Variants in SOS2 observed in about 807,000 individuals in gnomAD.
SOS2 encodes the protein son of sevenless homolog 2.
In SOS2, 65 loss-of-function variants were observed where a neutral mutation model predicts 148.2. The ratio of observed to expected loss-of-function variants is 0.44; its 90% CI spans 0.36 to 0.54. The LOEUF (loss-of-function observed/expected upper bound fraction) is 0.54. Among genes scored for constraint, SOS2 ranks in the 20% least tolerant of loss-of-function variants. The probability of loss-of-function intolerance (pLI) is 0.00; values close to 1 mark genes in which losing one functional copy is unlikely to be tolerated. For synonymous variants in SOS2, 539 were observed against 537.1 expected (o/e 1.00, Z -0.05); for missense variants, 1,341 against 1,590.2 (o/e 0.84, Z 2.67).
In SOS2 at chr14:50,230,890, T is replaced by C. The variant is rs577279038; in HGVS notation, c.87+307A>G. Reference sequence around the variant, plus strand: ...AACTGTCTAAATACCAGCGGGACTTTCTCTTGCCCGATTCCAGCCTGAGGA... The same window carrying C: ...AACTGTCTAAATACCAGCGGGACTTCCTCTTGCCCGATTCCAGCCTGAGGA... On this transcript the variant is annotated intron_variant, in intron 1 of 22. Coordinates refer to ENST00000216373, the MANE Select transcript of SOS2 (RefSeq NM_006939.4). 1.5e-4 allele frequency: 154 copies of C among 1,054,350 alleles called. No individual in the cohort carries two copies. The African/African-American group carries it at 2.5e-3, about 17-fold the overall frequency. The allele number at this position is 1,054,350 out of a possible 1,614,324, so 65.3% of individuals were successfully genotyped here.
At chr14:50,137,987 C>T (rs1362193365) in intron 18 of SOS2, among the ~76,000 whole-genome samples, 1 of 151,762 alleles carries the variant, frequency 6.6e-6, no homozygotes. Flanking sequence ...TTACAGGCAC[C>T]CGCCACCATG....
At chr14:50,156,959 A>ATATG (rs1401581506) in intron 12 of SOS2, 40 bp downstream of exon 12, 2 of 1,043,244 alleles carry the variant, frequency 1.9e-6, no homozygotes, top group Non-Finnish European at 1.4e-6. Context: ...GTGTATATAT[A>ATATG]TGTGTATATA....
chr14:50,174,504 G>C lies in SOS2; in HGVS notation c.1018C>G (p.Leu340Val). The change falls in exon 8 of 23, where the codon CTT becomes GTT. Residue 340 changes from leucine (L) to valine (V), a missense_variant. By Grantham distance (32) the Leu-to-Val change is conservative. Coordinates refer to ENST00000216373, the MANE Select transcript of SOS2 (RefSeq NM_006939.4). ...KEAVRYVLPR[L>V]MLVPVYHCWH... ...CAGTGATACACTGGCACCAGCATAA[G>C]ACGTGGAAGGACATAACGAACTGCC... The C allele has an allele frequency of 6.2e-7, 1 of 1,610,774 alleles. No homozygotes were observed. The highest frequency in any genetic ancestry group is 8.5e-7 in the Non-Finnish European group (1 of 1,177,888).
intron 21 of SOS2, among the ~76,000 whole-genome samples, chr14:50,124,799 C>T (rs1265857925): frequency 6.6e-6 from 1 of 151,978 alleles, no homozygotes; most frequent in Non-Finnish European, 1.5e-5. Context: ...GGAGTCTTGC[C>T]ATTTTTCTCA....
At chr14:50,182,416 C>T in intron 6 of SOS2, 47 bp downstream of exon 6, 1 of 1,558,392 alleles carries the variant, frequency 6.4e-7, no homozygotes, top group Non-Finnish European at 8.8e-7. Context: ...TTTCTTACTA[C>T]AGCATTTAGG....
intron 16 of SOS2, among the ~76,000 whole-genome samples, chr14:50,143,823 ATTTT>A (rs35436971): frequency 1.5e-5 from 2 of 134,554 alleles, no homozygotes; most frequent in African/African-American, 5.5e-5. Flanking sequence ...ATGCCTGGCT[ATTTT>A]TTTTTTTTTT....
chr14:50,210,446 A>G (rs1004711155), intron 1 of SOS2, among the ~76,000 whole-genome samples: 7 of 152,218 alleles, frequency 4.6e-5, no homozygotes, highest in African/African-American at 7.2e-5. Context: ...CTGACAGTGT[A>G]AAACTAGATA....
intron 18 of SOS2, among the ~76,000 whole-genome samples, chr14:50,135,347 A>G (rs915490928): frequency 6.6e-6 from 1 of 151,372 alleles, no homozygotes; most frequent in Non-Finnish European, 1.5e-5. Flanking sequence ...TTATCAAAAA[A>G]TATTTTAAGC....
intron 6 of SOS2, among the ~76,000 whole-genome samples, chr14:50,182,050 T>C (rs1885759541): frequency 6.6e-6 from 1 of 151,358 alleles, no homozygotes; most frequent in African/African-American, 2.4e-5. Flanking sequence ...CTCTAGTATA[T>C]AAACTTTCAC....
intron 1 of SOS2, among the ~76,000 whole-genome samples, chr14:50,214,695 C>T (rs1886987199): frequency 2.7e-5 from 4 of 149,222 alleles, no homozygotes; most frequent in East Asian, 1.9e-4. Flanking sequence ...TTCATAAGGC[C>T]GTTTCTTTTT....
At chr14:50,196,870 G>T (rs780128778) in intron 4 of SOS2, among the ~76,000 whole-genome samples, 1 of 151,950 alleles carries the variant, frequency 6.6e-6, no homozygotes, top group Non-Finnish European at 1.5e-5. Context: ...GGAACAACCG[G>T]AACTTTTTTT....
rs549623684 is a variant in SOS2 at position 50,199,582 on chromosome 14, G to C, written c.510+109C>G. 3.3e-5 allele frequency: 20 copies of C among 605,052 alleles called. No individual in the cohort carries two copies. In the African/African-American group the frequency reaches 3.5e-4, roughly 11 times the overall value. The allele number at this position is 605,052 out of a possible 1,614,324, so 37.5% of individuals were successfully genotyped here. On this transcript the variant is annotated intron_variant, in intron 4 of 22. Coordinates refer to ENST00000216373, the MANE Select transcript of SOS2 (RefSeq NM_006939.4). ...AAAGCCAGGATTTTTCTCTCTTCCA[G>C]TACTAGCAATTATAAAGATTACTTA... is the stretch of plus-strand genomic sequence containing the variant.
chr14:50,201,753 T>A (rs1313669947), intron 2 of SOS2, among the ~76,000 whole-genome samples: 1 of 152,178 alleles, frequency 6.6e-6, no homozygotes, highest in Non-Finnish European at 1.5e-5. Flanking sequence ...TAAAACTATT[T>A]ACCTAGCAGA....
chr14:50,132,534 A>G (rs1883914477), intron 19 of SOS2, among the ~76,000 whole-genome samples: 1 of 151,286 alleles, frequency 6.6e-6, no homozygotes, highest in African/African-American at 2.4e-5. Context: ...AGTGGCACAC[A>G]CCTGTTATCC....
intron 1 of SOS2, among the ~76,000 whole-genome samples, chr14:50,229,960 G>C (rs1260091623): frequency 6.6e-6 from 1 of 152,142 alleles, no homozygotes; most frequent in Middle Eastern, 3.2e-3. Context: ...GGCTGCACAT[G>C]GAAGTAAGGT....
intron 4 of SOS2, among the ~76,000 whole-genome samples, chr14:50,193,089 C>A (rs1886201206): frequency 6.6e-6 from 1 of 152,084 alleles, no homozygotes; most frequent in Non-Finnish European, 1.5e-5. Context: ...ATCCTCCCAC[C>A]TCAGCCTTCC....
chr14:50,119,188 T>G (rs2139467092), intron 22 of SOS2, among the ~76,000 whole-genome samples: 1 of 152,338 alleles, frequency 6.6e-6, no homozygotes, highest in East Asian at 1.9e-4. Context: ...CTAGAGGACT[T>G]TAATGTCTAG....
chr14:50,174,356 A>G (rs996030160), intron 8 of SOS2, 98 bp downstream of exon 8: 11 of 465,786 alleles, frequency 2.4e-5, no homozygotes, highest in Non-Finnish European at 3.4e-5. Flanking sequence ...ACATAAAATA[A>G]GAATTAAAAG....
rs17122277 is a variant in SOS2 at position 50,184,204 on chromosome 14, C to G, written c.715-1598G>C. Among the ~76,000 whole-genome samples, 1,040 of 152,212 alleles carry G rather than the reference C, an allele frequency of 6.8e-3. 15 individuals are homozygous for G. Among genetic ancestry groups the G allele is most frequent in the African/African-American group, 0.022 (906 of 41,506 alleles). ...CCATATATCTAGGATAAGACAGGTT[C>G]AAGCCCTCTGAACACAAACACATCA... On this transcript the variant is annotated intron_variant, in intron 5 of 22. Transcript: ENST00000216373.
Sources: allele counts gnomAD v4.1 joint callset (sites outside exome capture counted in the v4.1 genomes callset), GRCh38; gene constraint gnomAD v4.1.1; transcripts MANE v1.5; gene names NCBI Gene and HGNC (gene_info 2026-07-23, HGNC 2026-07-21).